The following PARD3 variants were observed in gnomAD, a reference collection of about 807,000 sequenced individuals.
PARD3 encodes the protein par-3 family cell polarity regulator, also known as partitioning defective 3 homolog.
Under a neutral mutation model 155.4 loss-of-function variants are expected in PARD3, and 75 were observed. The observed-to-expected ratio is 0.48, with a 90% confidence interval of 0.40 to 0.58. PARD3 has a LOEUF of 0.58. Ranked by LOEUF, PARD3 falls within the 20% of genes least tolerant of loss-of-function variation. The probability of loss-of-function intolerance (pLI) is 0.00; values close to 1 mark genes in which losing one functional copy is unlikely to be tolerated. For synonymous variants in PARD3, 576 were observed against 610.5 expected, an observed-to-expected ratio of 0.94 and a Z score of 0.83; for missense variants, 1,642 against 1,721.7, an observed-to-expected ratio of 0.95 and a Z score of 0.82.
At chr10:34,357,740 G>C (rs1004331124) in intron 14 of PARD3, among the ~76,000 whole-genome samples, 1 of 152,088 alleles carries the variant, frequency 6.6e-6, no homozygotes, top group Admixed American at 6.5e-5. Flanking sequence ...TTTAGTTAAG[G>C]TTATGTTGTT....
intron 22 of PARD3, among the ~76,000 whole-genome samples, chr10:34,168,561 C>A (rs16935163): frequency 0.011 from 1,631 of 152,148 alleles, 57 homozygotes; most frequent in Admixed American, 0.064. Flanking sequence ...CTAGGGCAGG[C>A]GTGTGATTTG....
chr10:34,639,167 A>G (rs1393161848), intron 2 of PARD3, among the ~76,000 whole-genome samples: 1 of 152,150 alleles, frequency 6.6e-6, no homozygotes. Context: ...AGGCCTAGGC[A>G]GATGGATCAC....
At chr10:34,406,736 G>A in intron 5 of PARD3, among the ~76,000 whole-genome samples, 1 of 151,066 alleles carries the variant, frequency 6.6e-6, no homozygotes, top group South Asian at 2.1e-4. Flanking sequence ...AAGGCATCTT[G>A]ACAGACCTGA....
intron 1 of PARD3, among the ~76,000 whole-genome samples, chr10:34,730,592 T>C (rs1157501717): frequency 6.6e-6 from 1 of 152,142 alleles, no homozygotes; most frequent in Non-Finnish European, 1.5e-5. Flanking sequence ...TACACCAGCC[T>C]GGCCAATACG....
intron 2 of PARD3, among the ~76,000 whole-genome samples, chr10:34,548,714 T>C (rs2084306165): frequency 6.6e-6 from 1 of 151,972 alleles, no homozygotes; most frequent in South Asian, 2.1e-4. Context: ...TTTCTCTGAT[T>C]CCAAGGAAAA....
chr10:34,420,870 T>C (rs767952345), intron 5 of PARD3, among the ~76,000 whole-genome samples: 1 of 152,216 alleles, frequency 6.6e-6, no homozygotes, highest in African/African-American at 2.4e-5. Flanking sequence ...TAATCTTCAA[T>C]CTGTAATTTT....
At chr10:34,695,120 T>G (rs1399351418) in intron 2 of PARD3, among the ~76,000 whole-genome samples, 2 of 152,202 alleles carry the variant, frequency 1.3e-5, no homozygotes, top group East Asian at 3.8e-4. Context: ...CATACTACCA[T>G]GCTGATGTAA....
At chr10:34,356,361 G>A (rs370085542) in intron 14 of PARD3, among the ~76,000 whole-genome samples, 225 of 152,202 alleles carry the variant, frequency 1.5e-3, no homozygotes, top group Middle Eastern at 0.014. Context: ...TAGCAAGACC[G>A]TGTCTCTACA....
chr10:34,462,342 C>T (rs1386512258), intron 4 of PARD3, among the ~76,000 whole-genome samples: 4 of 152,196 alleles, frequency 2.6e-5, no homozygotes, highest in Middle Eastern at 3.4e-3. Flanking sequence ...AATAACCAAA[C>T]GATAAACAAC....
intron 13 of PARD3, 116 bp from the exon 14 acceptor site, chr10:34,359,433 G>A (rs1374562287): frequency 9.6e-6 from 7 of 727,172 alleles, no homozygotes; most frequent in African/African-American, 1.8e-5. Context: ...AAAGTGGGGA[G>A]CTTTAATCCT....
chr10:34,273,422 T>G (rs1955725951), intron 21 of PARD3, among the ~76,000 whole-genome samples: 1 of 152,200 alleles, frequency 6.6e-6, no homozygotes, highest in Non-Finnish European at 1.5e-5. Context: ...TTCACTTATA[T>G]AGCATTCTCA....
intron 2 of PARD3, among the ~76,000 whole-genome samples, chr10:34,681,685 ATAAT>A (rs573895172): frequency 0.028 from 3,836 of 137,420 alleles, 182 homozygotes; most frequent in African/African-American, 0.097. Context: ...ATACATGTAT[ATAAT>A]TAGATTTTTA....
chr10:34,742,402 C>A (rs1015166512), intron 1 of PARD3, among the ~76,000 whole-genome samples: 2 of 152,034 alleles, frequency 1.3e-5, no homozygotes, highest in African/African-American at 4.8e-5. Context: ...GAGATTAATC[C>A]AATCCACTGC....
Position 34,382,268 on chromosome 10 carries a change from C to G in PARD3, c.1399+272G>C, listed in dbSNP as rs557755867. Among the ~76,000 whole-genome samples, 16 of 152,316 alleles carry G rather than the reference C, an allele frequency of 1.1e-4. No individual in the cohort carries two copies. In the East Asian group the frequency reaches 1.5e-3, roughly 15 times the overall value. ...AAAATTTTACTACAGTAACTGCTAT[C>G]TTCTTCTCATAGACATAGTCTTATT... is the stretch of plus-strand genomic sequence containing the variant. On this transcript the variant is annotated intron_variant, in intron 9 of 24. Coordinates refer to ENST00000374788, the MANE Select transcript of PARD3 (RefSeq NM_001184785.2).
In PARD3 at chr10:34,587,831, A is replaced by G. The variant is rs186028881; in HGVS notation, c.223-70672T>C. 8.2e-4 allele frequency among the ~76,000 whole-genome samples: 125 copies of G among 152,302 alleles called. 2 individuals carry two copies. Among genetic ancestry groups the G allele is most frequent in the Middle Eastern group, 6.8e-3 (2 of 294 alleles). On this transcript the variant is annotated intron_variant, in intron 2 of 24. Transcript: ENST00000374788. ...GCCATCATCTTACAAATCATTGCGG[A>G]TAAGTGCCCTGAGATAATTTCCATC...
chr10:34,563,430 G>A (rs900520354), intron 2 of PARD3, among the ~76,000 whole-genome samples: 17 of 152,038 alleles, frequency 1.1e-4, no homozygotes, highest in African/African-American at 3.6e-4. Context: ...GCAGTGGCAC[G>A]ATCTCGGCTC....
At chr10:34,702,273 T>C (rs1000007087) in intron 1 of PARD3, among the ~76,000 whole-genome samples, 8 of 151,868 alleles carry the variant, frequency 5.3e-5, no homozygotes, top group African/African-American at 1.9e-4. Flanking sequence ...GAGGATCACC[T>C]GACCCTGGGG....
At chr10:34,737,562 A>G (rs1389559247) in intron 1 of PARD3, among the ~76,000 whole-genome samples, 1 of 152,188 alleles carries the variant, frequency 6.6e-6, no homozygotes, top group African/African-American at 2.4e-5. Flanking sequence ...CCCCTCCACA[A>G]TTCATGCTGA....
intron 2 of PARD3, among the ~76,000 whole-genome samples, chr10:34,551,508 A>G (rs573310416): frequency 3.3e-5 from 5 of 152,288 alleles, no homozygotes; most frequent in African/African-American, 9.6e-5. Flanking sequence ...TTTGATTCCA[A>G]TTGCAACAGC....
Sources: allele counts gnomAD v4.1 joint callset (sites outside exome capture counted in the v4.1 genomes callset), GRCh38; gene constraint gnomAD v4.1.1; transcripts MANE v1.5; gene names NCBI Gene and HGNC (gene_info 2026-07-23, HGNC 2026-07-21).